TMEM132C: variants seen among roughly 807,000 people sequenced by gnomAD.
TMEM132C encodes protein phosphatase 1, regulatory subunit 152.
Under a neutral mutation model 61.4 loss-of-function variants are expected in TMEM132C, and 29 were observed. The ratio of observed to expected loss-of-function variants is 0.47; its 90% CI spans 0.35 to 0.64. TMEM132C has a LOEUF of 0.64. TMEM132C is among the 30% of genes least tolerant of loss of function. The pLI, the probability that TMEM132C is intolerant of heterozygous loss-of-function variation, is 0.00. For missense variants in TMEM132C, 1,408 were observed against 1,476.9 expected, an observed-to-expected ratio of 0.95 and a Z score of 0.76; for synonymous variants, 656 against 633.1, an observed-to-expected ratio of 1.04 and a Z score of -0.54.
At chr12:128,493,527 G>A (rs1391085262) in intron 2 of TMEM132C, among the ~76,000 whole-genome samples, 1 of 152,056 alleles carries the variant, frequency 6.6e-6, no homozygotes, top group Non-Finnish European at 1.5e-5. Flanking sequence ...TTATTTCATT[G>A]AGCAGTGGTT....
At chr12:128,519,697 T>A (rs1387074288) in intron 2 of TMEM132C, among the ~76,000 whole-genome samples, 1 of 152,218 alleles carries the variant, frequency 6.6e-6, no homozygotes, top group African/African-American at 2.4e-5. Flanking sequence ...TCATTAATAC[T>A]TTTTCCCCTA....
At chr12:128,270,102 T>C (rs1455058191) in intron 1 of TMEM132C, among the ~76,000 whole-genome samples, 1 of 152,142 alleles carries the variant, frequency 6.6e-6, no homozygotes, top group Non-Finnish European at 1.5e-5. Context: ...GGTTGATGTA[T>C]TGCGCCTGTA....
intron 1 of TMEM132C, among the ~76,000 whole-genome samples, chr12:128,279,026 G>A (rs1047179745): frequency 5.3e-5 from 8 of 152,030 alleles, no homozygotes; most frequent in African/African-American, 1.9e-4. Flanking sequence ...CTCCATAATT[G>A]CATGAGCCAA....
intron 1 of TMEM132C, among the ~76,000 whole-genome samples, chr12:128,396,102 C>T (rs1321698566): frequency 3.9e-5 from 6 of 152,216 alleles, no homozygotes; most frequent in Non-Finnish European, 8.8e-5. Flanking sequence ...TGAATAAGCT[C>T]TGGGTAGTGT....
chr12:128,702,391 A>T (rs1438107404), intron 8 of TMEM132C, among the ~76,000 whole-genome samples: 1 of 152,082 alleles, frequency 6.6e-6, no homozygotes, highest in Non-Finnish European at 1.5e-5. Context: ...TTATTATTTC[A>T]TAAATAACAT....
At chr12:128,424,202 G>C (rs150902231) in intron 2 of TMEM132C, among the ~76,000 whole-genome samples, 1 of 152,030 alleles carries the variant, frequency 6.6e-6, no homozygotes, top group East Asian at 1.9e-4. Flanking sequence ...ATAGACAAAC[G>C]CCAATCATGG....
chr12:128,642,197 T>A (rs1292675867), intron 4 of TMEM132C, among the ~76,000 whole-genome samples: 2 of 152,062 alleles, frequency 1.3e-5, no homozygotes, highest in Non-Finnish European at 2.9e-5. Flanking sequence ...AGTGGTGCGA[T>A]CTCGGCTCAC....
intron 1 of TMEM132C, among the ~76,000 whole-genome samples, chr12:128,352,393 G>A (rs1248276910): frequency 6.6e-6 from 1 of 152,130 alleles, no homozygotes; most frequent in Admixed American, 6.5e-5. Context: ...GGGGAACCAT[G>A]ACCATGATTC....
intron 1 of TMEM132C, among the ~76,000 whole-genome samples, chr12:128,329,435 TGTGGTAAAG>T (rs1872614591): frequency 6.6e-6 from 1 of 152,122 alleles, no homozygotes; most frequent in African/African-American, 2.4e-5. Flanking sequence ...GCTGAAGGCG[TGTGGTAAAG>T]GTGGTTTGGC....
At chr12:128,294,307 G>T (rs1393417102) in intron 1 of TMEM132C, 1 of 152,334 alleles carries the variant, frequency 6.6e-6, no homozygotes, top group East Asian at 1.9e-4. Flanking sequence ...AATGAGACTG[G>T]GGCTTACCAA....
intron 2 of TMEM132C, among the ~76,000 whole-genome samples, chr12:128,441,824 G>A (rs1246058826): frequency 6.6e-6 from 1 of 152,100 alleles, no homozygotes; most frequent in Admixed American, 6.6e-5. Flanking sequence ...CGAAACACAT[G>A]TCTACTAAAA....
Position 128,669,448 on chromosome 12 carries a change from C to T in TMEM132C, c.1337C>T (p.Thr446Ile). 2 of 1,551,630 alleles carry T rather than the reference C, an allele frequency of 1.3e-6. No individual in the cohort carries two copies. Among genetic ancestry groups the T allele is most frequent in the East Asian group, 2.4e-5 (1 of 40,914 alleles). ...GAAATTCTGAACACCGCCGTACTCACAGGAAAGACAGTTGCCATGCCTATC... is the reference window on the plus strand; with the variant it reads ...GAAATTCTGAACACCGCCGTACTCATAGGAAAGACAGTTGCCATGCCTATC... ...DTEILNTAVL[T>I]GKTVAMPIKV... The change falls in exon 5 of 9, where the codon ACA (threonine) becomes ATA (isoleucine). Residue 446 changes from threonine to isoleucine, a missense_variant. Transcript: ENST00000435159.
intron 3 of TMEM132C, among the ~76,000 whole-genome samples, chr12:128,615,621 G>A (rs1876774191): frequency 1.3e-5 from 2 of 152,140 alleles, no homozygotes; most frequent in South Asian, 4.1e-4. Flanking sequence ...TGACCTGACA[G>A]GAGGTGGAGC....
chr12:128,350,753 G>T (rs762006166), intron 1 of TMEM132C, among the ~76,000 whole-genome samples: 1 of 151,648 alleles, frequency 6.6e-6, no homozygotes. Context: ...TTAGCTGAGC[G>T]CTCGACCACC....
chr12:128,396,703 T>C (rs1485148609), intron 1 of TMEM132C, among the ~76,000 whole-genome samples: 20 of 152,136 alleles, frequency 1.3e-4, no homozygotes, highest in Admixed American at 1.3e-3. Context: ...AAGAAGCTCC[T>C]ATAGATGGGA....
chr12:128,543,920 C>A (rs774599484), intron 2 of TMEM132C, 37 bp from the exon 3 acceptor site: 2 of 1,539,310 alleles, frequency 1.3e-6, no homozygotes, highest in Admixed American at 4.1e-5. Flanking sequence ...CAAGCCTTAA[C>A]CCTGTCTCTC....
intron 1 of TMEM132C, among the ~76,000 whole-genome samples, chr12:128,411,622 C>T (rs967773775): frequency 5.9e-5 from 9 of 152,110 alleles, no homozygotes; most frequent in South Asian, 2.1e-4. Context: ...AGGAATGAGA[C>T]ACTTTTCCAA....
chr12:128,562,955 G>C (rs1003558355), intron 3 of TMEM132C, among the ~76,000 whole-genome samples: 1 of 152,224 alleles, frequency 6.6e-6, no homozygotes, highest in African/African-American at 2.4e-5. Flanking sequence ...ATCCAAGATA[G>C]CTCATCACCA....
At chr12:128,636,397 A>T (rs919178737) in intron 4 of TMEM132C, among the ~76,000 whole-genome samples, 1 of 152,160 alleles carries the variant, frequency 6.6e-6, no homozygotes, top group Non-Finnish European at 1.5e-5. Flanking sequence ...TAATTGATGT[A>T]TCAAAAATCT....
Sources: allele counts gnomAD v4.1 joint callset (sites outside exome capture counted in the v4.1 genomes callset), GRCh38; gene constraint gnomAD v4.1.1; transcripts MANE v1.5; gene names NCBI Gene and HGNC (gene_info 2026-07-23, HGNC 2026-07-21).